The following KLHL12 variants were observed in gnomAD, a reference collection of about 807,000 sequenced individuals.
KLHL12 encodes the protein kelch like family member 12.
In KLHL12, 17 loss-of-function variants were observed where a neutral mutation model predicts 60.8. That is an observed-to-expected ratio of 0.28 (90% CI 0.19 to 0.42). The LOEUF is 0.42. Ranked by LOEUF, KLHL12 falls within the 10% of genes least tolerant of loss-of-function variation. The pLI, the probability that KLHL12 is intolerant of heterozygous loss-of-function variation, is 1.00. For synonymous variants in KLHL12, 220 were observed against 250.9 expected (o/e 0.88, Z 1.16); for missense variants, 468 against 722.3 (o/e 0.65, Z 4.04).
intron 4 of KLHL12, 137 bp from the exon 5 acceptor site, chr1:202,911,340 G>C (rs914170409): frequency 2.0e-6 from 2 of 993,896 alleles, no homozygotes; most frequent in East Asian, 2.5e-5. Context: ...GAAATAGCTA[G>C]GCTCTTGGGA....
chr1:202,928,140 T>C (rs912883081), upstream of KLHL12, among the ~76,000 whole-genome samples: 1 of 150,548 alleles, frequency 6.6e-6, no homozygotes, highest in Non-Finnish European at 1.5e-5. Flanking sequence ...CTGGGCGTAG[T>C]GGCGGGCGCC....
chr1:202,894,332 T>G, intron 9 of KLHL12, 50 bp from the exon 10 acceptor site: 1 of 1,304,134 alleles, frequency 7.7e-7, no homozygotes, highest in Non-Finnish European at 1.1e-6. Context: ...TCATGCCCAT[T>G]CCTGGTCGGT....
At chr1:202,899,138 C>A (rs547857347) in intron 6 of KLHL12, among the ~76,000 whole-genome samples, 2 of 152,042 alleles carry the variant, frequency 1.3e-5, no homozygotes, top group South Asian at 4.2e-4. Flanking sequence ...CAAGGCAAAA[C>A]CCCGTCTCTA....
chr1:202,897,338 T>G (rs569578089), intron 6 of KLHL12, among the ~76,000 whole-genome samples: 1 of 148,752 alleles, frequency 6.7e-6, no homozygotes, highest in East Asian at 2.0e-4. Context: ...TGGGCTCAAG[T>G]GATTCTCCTG....
chr1:202,912,214 T>C (rs1660384445), intron 4 of KLHL12: 8 of 1,083,144 alleles, frequency 7.4e-6, no homozygotes, highest in Middle Eastern at 2.9e-4. Context: ...ACGGAAGTGA[T>C]TGAAATCATG....
At chr1:202,912,661 A>C (rs906812020) in intron 4 of KLHL12, 1 of 1,293,336 alleles carries the variant, frequency 7.7e-7, no homozygotes, top group Non-Finnish European at 1.1e-6. Context: ...TACTCTGCCA[A>C]ACCACGAAAC....
Position 202,911,036 on chromosome 1 carries a change from G to C in KLHL12, c.717+18C>G. On this transcript the variant is annotated intron_variant, in intron 5 of 11. Coordinates refer to ENST00000367261, the MANE Select transcript of KLHL12 (RefSeq NM_021633.4). ...AGTCCGTCAAGGTTTTGGATCCTGA[G>C]AGTGTTGCACTACTTACCTCAGCAT... 1 of 1,612,568 alleles carries C rather than the reference G, an allele frequency of 6.2e-7. No homozygotes were observed. The highest frequency in any genetic ancestry group is 8.5e-7 in the Non-Finnish European group (1 of 1,178,892).
Position 202,924,987 on chromosome 1 carries a change from C to T in KLHL12, c.176G>A (p.Cys59Tyr). Residue 59 changes from cysteine to tyrosine, a missense_variant, in exon 2 of 12, where the codon TGT (cysteine) becomes TAT (tyrosine). Transcript: ENST00000367261. ...IVLAACSDYF[C>Y]AMFTSELSEK... is the part of the protein sequence containing the mutation. ...ACTTACCTCACTAGTGAACATGGCA[C>T]AGAAGTAATCACTACAGGCAGCCAG... 6.2e-7 allele frequency: 1 copy of T among 1,614,054 alleles called. No individual in the cohort carries two copies. Among genetic ancestry groups the T allele is most frequent in the Non-Finnish European group, 8.5e-7 (1 of 1,179,980 alleles).
chr1:202,925,021 G>C lies in KLHL12; in HGVS notation c.142C>G (p.Arg48Gly). Reference protein sequence around the residue: ...RVEQKDFPAHRIVLAACSDYF... With the variant: ...RVEQKDFPAHGIVLAACSDYF... Reference sequence around the variant, plus strand: ...TCACTACAGGCAGCCAGCACAATCCGATGGGCAGGGAAGTCTTTCTGCTCT... The same window carrying C: ...TCACTACAGGCAGCCAGCACAATCCCATGGGCAGGGAAGTCTTTCTGCTCT... Residue 48 changes from arginine to glycine, a missense_variant, in exon 2 of 12, where the codon CGG (arginine) becomes GGG (glycine). By Grantham distance (125) the Arg-to-Gly change is moderately radical (BLOSUM62 -2). Around this residue, in one of 4 missense-constraint regions of KLHL12, gnomAD observed 61 missense variants for 59.9 expected, o/e 1.02. Coordinates refer to ENST00000367261, the MANE Select transcript of KLHL12 (RefSeq NM_021633.4). 1 of 1,614,156 alleles carries C rather than the reference G, an allele frequency of 6.2e-7. No homozygotes were observed. The highest frequency in any genetic ancestry group is 2.2e-5 in the East Asian group (1 of 44,880).
intron 2 of KLHL12, among the ~76,000 whole-genome samples, chr1:202,923,147 T>G (rs10920524): frequency 0.55 from 82,875 of 151,780 alleles, 23,430 homozygotes; most frequent in Non-Finnish European, 0.62. Flanking sequence ...TTGCCTGATG[T>G]CAGTTTTTAA....
chr1:202,902,399 C>T (rs1660039674), intron 6 of KLHL12, among the ~76,000 whole-genome samples: 2 of 151,522 alleles, frequency 1.3e-5, no homozygotes, highest in Non-Finnish European at 2.9e-5. Flanking sequence ...CATTGCCCTC[C>T]AGCCTGGGTA....
At chr1:202,919,536 G>A (rs994675447) in intron 3 of KLHL12, among the ~76,000 whole-genome samples, 5 of 151,728 alleles carry the variant, frequency 3.3e-5, no homozygotes, top group African/African-American at 1.2e-4. Context: ...AGGTGCAAAT[G>A]CTCTCTTTTA....
At chr1:202,923,560 G>A (rs1024995378) in intron 2 of KLHL12, among the ~76,000 whole-genome samples, 5 of 152,072 alleles carry the variant, frequency 3.3e-5, no homozygotes, top group African/African-American at 7.2e-5. Flanking sequence ...TTCATACTTC[G>A]GAGGCTAAGG....
At chr1:202,915,375 C>T (rs1021820279) in intron 4 of KLHL12, among the ~76,000 whole-genome samples, 3 of 152,134 alleles carry the variant, frequency 2.0e-5, no homozygotes, top group African/African-American at 7.2e-5. Flanking sequence ...GGGAGTCAGA[C>T]ATCTGGTTCC....
In KLHL12 at chr1:202,909,139, A is replaced by G; in HGVS notation, c.718-15T>C. The G allele has an allele frequency of 1.3e-6, 2 of 1,549,012 alleles. No homozygotes were observed. Among genetic ancestry groups the G allele is most frequent in the Non-Finnish European group, 1.8e-6 (2 of 1,121,054 alleles). ...CGGATGAAAGGCTGAAATATAGCAG[A>G]CAGCAGAGTTAGGCACTGGGGATAC... is the stretch of plus-strand genomic sequence containing the variant. On this transcript the variant is annotated splice_polypyrimidine_tract_variant and intron_variant, in intron 5 of 11. Transcript: ENST00000367261. The surrounding 1 kb of genome is among the most constrained non-coding windows in gnomAD (Gnocchi z 4.1).
chr1:202,906,662 ATTAAT>A (rs1439913323), intron 6 of KLHL12, among the ~76,000 whole-genome samples: 1 of 151,916 alleles, frequency 6.6e-6, no homozygotes, highest in African/African-American at 2.4e-5. Flanking sequence ...ATTTTATTTA[ATTAAT>A]TTATTTATTT....
chr1:202,903,973 C>T (rs968085245), intron 6 of KLHL12, among the ~76,000 whole-genome samples: 1 of 150,952 alleles, frequency 6.6e-6, no homozygotes, highest in Non-Finnish European at 1.5e-5. Flanking sequence ...ACCCTTTAAC[C>T]CTTTATCTAT....
chr1:202,912,502 T>A, intron 4 of KLHL12: 1 of 963,526 alleles, frequency 1.0e-6, no homozygotes, highest in Non-Finnish European at 1.7e-6. Context: ...ATGGCGATAA[T>A]GGATTTGGTA....
chr1:202,924,897 AT>A (rs1216257817), intron 2 of KLHL12, 70 bp downstream of exon 2: 1 of 1,540,294 alleles, frequency 6.5e-7, no homozygotes, highest in South Asian at 1.2e-5. Context: ...AACTTCCACT[AT>A]TTTATTCAGT....
Sources: gnomAD v4.1 joint callset for allele counts (sites outside exome capture counted in the v4.1 genomes callset) on GRCh38, gnomAD v4.1.1 for gene constraint, gnomAD v4.1.1 regional missense constraint, Gnocchi (gnomAD v3.1) non-coding constraint, MANE v1.5 for transcripts, NCBI Gene and HGNC (gene_info 2026-07-23, HGNC 2026-07-21) for gene names.